Variants in CHST11 observed in about 807,000 individuals in gnomAD.
CHST11 encodes the protein C4S-1.
Under a neutral mutation model 30.4 loss-of-function variants are expected in CHST11, and 9 were observed. The ratio of observed to expected loss-of-function variants is 0.30; its 90% CI spans 0.18 to 0.52. The LOEUF is 0.52. Ranked by LOEUF, CHST11 falls within the 20% of genes least tolerant of loss-of-function variation. The pLI is 0.97. For missense variants in CHST11, 348 were observed against 460.6 expected (o/e 0.76, Z 2.24); for synonymous variants, 152 against 187.8 (o/e 0.81, Z 1.56).
chr12:104,690,405 G>A (rs921464782), intron 2 of CHST11, among the ~76,000 whole-genome samples: 3 of 152,096 alleles, frequency 2.0e-5, no homozygotes, highest in East Asian at 1.9e-4. Flanking sequence ...TCCATTTGTC[G>A]CTTCTTGTTG....
intron 1 of CHST11, among the ~76,000 whole-genome samples, chr12:104,510,244 C>T (rs2135980803): frequency 6.6e-6 from 1 of 152,230 alleles, no homozygotes; most frequent in East Asian, 1.9e-4. Flanking sequence ...ACACCTCTAT[C>T]TGTTTTTCTA....
chr12:104,564,041 G>A (rs956897150), intron 1 of CHST11, among the ~76,000 whole-genome samples: 1 of 152,082 alleles, frequency 6.6e-6, no homozygotes, highest in Admixed American at 6.6e-5. Context: ...CAGGAGCATC[G>A]AGGATCAGGT....
intron 1 of CHST11, among the ~76,000 whole-genome samples, chr12:104,457,884 G>A (rs1053785517): frequency 1.3e-5 from 2 of 151,870 alleles, no homozygotes; most frequent in African/African-American, 4.8e-5. Flanking sequence ...GAAGCAACCG[G>A]GGGTGAGGGG....
intron 2 of CHST11, among the ~76,000 whole-genome samples, chr12:104,657,897 T>C (rs1592821433): frequency 1.3e-5 from 2 of 152,278 alleles, no homozygotes; most frequent in East Asian, 3.9e-4. Flanking sequence ...CAAGGCAGCC[T>C]GGACCCGAAT....
chr12:104,488,806 C>T (rs1250038821), intron 1 of CHST11, among the ~76,000 whole-genome samples: 2 of 150,990 alleles, frequency 1.3e-5, no homozygotes, highest in Non-Finnish European at 2.9e-5. Flanking sequence ...GGTTGTTCAC[C>T]GTTGTGTTAG....
chr12:104,485,016 AG>A (rs1239112003), intron 1 of CHST11, among the ~76,000 whole-genome samples: 1 of 152,188 alleles, frequency 6.6e-6, no homozygotes, highest in African/African-American at 2.4e-5. Context: ...TTAGGGAGGT[AG>A]GGGCAGGCTC....
chr12:104,530,700 T>C (rs2038174833), intron 1 of CHST11, among the ~76,000 whole-genome samples: 1 of 152,242 alleles, frequency 6.6e-6, no homozygotes, highest in South Asian at 2.1e-4. Flanking sequence ...ACTGAAGATG[T>C]CTTGAATCTC....
chr12:104,468,777 G>A (rs937308324), intron 1 of CHST11, among the ~76,000 whole-genome samples: 3 of 152,186 alleles, frequency 2.0e-5, no homozygotes, highest in Non-Finnish European at 2.9e-5. Context: ...GAGTGACTGA[G>A]TGAAAGTCGC....
intron 1 of CHST11, among the ~76,000 whole-genome samples, chr12:104,471,083 TA>T (rs1438141235): frequency 1.3e-5 from 2 of 152,216 alleles, no homozygotes; most frequent in African/African-American, 4.8e-5. Flanking sequence ...GGTCGAAGTC[TA>T]GTTCATGTAT....
chr12:104,680,497 T>C (rs932931583), intron 2 of CHST11, among the ~76,000 whole-genome samples: 2 of 152,152 alleles, frequency 1.3e-5, no homozygotes, highest in Admixed American at 1.3e-4. Flanking sequence ...ACCACAGAAG[T>C]AAGGATGTTC....
At chr12:104,721,087 AACCC>A (rs556648910) in intron 2 of CHST11, among the ~76,000 whole-genome samples, 3 of 152,186 alleles carry the variant, frequency 2.0e-5, no homozygotes, top group Non-Finnish European at 4.4e-5. Context: ...AAAAGACTGA[AACCC>A]ACCCTGTGGT....
intron 1 of CHST11, among the ~76,000 whole-genome samples, chr12:104,463,925 A>G (rs769341566): frequency 2.0e-5 from 3 of 152,098 alleles, no homozygotes; most frequent in Non-Finnish European, 4.4e-5. Flanking sequence ...TCGGAGAGAG[A>G]CAATTGTTTT....
intron 1 of CHST11, among the ~76,000 whole-genome samples, chr12:104,517,071 A>G (rs1352969659): frequency 6.6e-6 from 1 of 152,098 alleles, no homozygotes; most frequent in Non-Finnish European, 1.5e-5. Context: ...TGTTACTGCC[A>G]CTTAAAGATG....
At chr12:104,529,277 T>C (rs2038158076) in intron 1 of CHST11, among the ~76,000 whole-genome samples, 1 of 152,216 alleles carries the variant, frequency 6.6e-6, no homozygotes, top group South Asian at 2.1e-4. Flanking sequence ...GGTCAACTTG[T>C]TGTGTGACAG....
chr12:104,506,806 A>T lies in CHST11; in HGVS notation c.118+49277A>T, dbSNP rs1882496. 3.8e-3 allele frequency among the ~76,000 whole-genome samples: 581 copies of T among 152,116 alleles called. 3 individuals carry two copies. Among genetic ancestry groups the T allele is most frequent in the Non-Finnish European group, 6.3e-3 (431 of 67,992 alleles). Reference sequence around the variant, plus strand: ...GGGCTTGTGCTTTCTTTGCCAAGCCATCATTCGTTACTTGGCTAGAGGAGG... The same window carrying T: ...GGGCTTGTGCTTTCTTTGCCAAGCCTTCATTCGTTACTTGGCTAGAGGAGG... On this transcript the variant is annotated intron_variant, in intron 1 of 2. Transcript: ENST00000303694.
chr12:104,693,585 A>C lies in CHST11; in HGVS notation c.205-63364A>C, dbSNP rs532747801. Among the ~76,000 whole-genome samples, 30 of 152,324 alleles carry C rather than the reference A, an allele frequency of 2.0e-4. No homozygotes were observed. The South Asian group carries it at 2.1e-3, about 11-fold the overall frequency. The stretch of plus-strand genomic sequence containing the variant: ...TCTACAGTCCACTGGATGGGAGACA[A>C]GAAAGTGGCAATGCTAATGCAGCAT... On this transcript the variant is annotated intron_variant, in intron 2 of 2. Transcript: ENST00000303694.
intron 2 of CHST11, among the ~76,000 whole-genome samples, chr12:104,743,029 G>A (rs991193953): frequency 2.0e-5 from 3 of 152,222 alleles, no homozygotes; most frequent in African/African-American, 4.8e-5. Context: ...AAGCCCACGA[G>A]GCCTCATTGG....
intron 1 of CHST11, among the ~76,000 whole-genome samples, chr12:104,488,033 C>T (rs2037700351): frequency 6.6e-6 from 1 of 152,162 alleles, no homozygotes; most frequent in African/African-American, 2.4e-5. Context: ...CTCAGCCTCC[C>T]AAGTAGCTGG....
intron 1 of CHST11, among the ~76,000 whole-genome samples, chr12:104,590,408 C>CA (rs1262048110): frequency 6.6e-6 from 1 of 152,214 alleles, no homozygotes; most frequent in East Asian, 1.9e-4. Flanking sequence ...GACTGTATTT[C>CA]AAAACGGTTT....
Sources: gnomAD v4.1 joint callset for allele counts (sites outside exome capture counted in the v4.1 genomes callset) on GRCh38, gnomAD v4.1.1 for gene constraint, MANE v1.5 for transcripts, NCBI Gene and HGNC (gene_info 2026-07-23, HGNC 2026-07-21) for gene names.